FANK1: variants seen among roughly 807,000 people sequenced by gnomAD.
The protein encoded by FANK1 is fibronectin type III and ankyrin repeat domains 1, also known as fibronectin type 3 and ankyrin repeat domains protein 1.
In FANK1, 44 loss-of-function variants were observed where a neutral mutation model predicts 45.3. That is an observed-to-expected ratio of 0.97 (90% CI 0.76 to 1.25). FANK1 has a LOEUF of 1.25. Ranked by LOEUF, FANK1 falls within the 50% of genes most tolerant of loss-of-function variation. The pLI is 0.00. For synonymous variants in FANK1, 149 were observed against 152.5 expected (o/e 0.98, Z 0.17); for missense variants, 391 against 424.4 (o/e 0.92, Z 0.69).
rs77771758 is a variant in FANK1 at position 125,901,374 on chromosome 10, T to C, written c.13+4719T>C. On this transcript the variant is annotated intron_variant, in intron 1 of 10. Coordinates refer to ENST00000368693, the MANE Select transcript of FANK1 (RefSeq NM_145235.5). ...TCTTCCTCCGTACTCCAAGCTACCA[T>C]GCCGTGTAAGTTATGATTGTGATTT... Among the ~76,000 whole-genome samples, 46 of 152,350 alleles carry C rather than the reference T, an allele frequency of 3.0e-4. No homozygotes were observed. In the East Asian group the frequency reaches 6.5e-3, roughly 22 times the overall value.
At chr10:125,968,699 T>A (rs1286008468) in intron 1 of FANK1, among the ~76,000 whole-genome samples, 2 of 152,208 alleles carry the variant, frequency 1.3e-5, no homozygotes, top group African/African-American at 4.8e-5. Flanking sequence ...CTAATTTGTT[T>A]TTTGAGTCTC....
chr10:125,917,096 C>G (rs1246296760), intron 1 of FANK1, among the ~76,000 whole-genome samples: 3 of 152,242 alleles, frequency 2.0e-5, no homozygotes, highest in Non-Finnish European at 4.4e-5. Context: ...AGCTCCTGCA[C>G]TAGCCCTCAA....
intron 1 of FANK1, among the ~76,000 whole-genome samples, chr10:125,916,675 C>CATGTGAAAGGCAATTCACATCATGA (rs1946474429): frequency 6.6e-6 from 1 of 152,138 alleles, no homozygotes; most frequent in South Asian, 2.1e-4. Context: ...ACATGCTACA[C>CATGTGAAAGGCAATTCACATCATGA]CATGGATGAA....
intron 1 of FANK1, among the ~76,000 whole-genome samples, chr10:125,917,672 C>T (rs1269444623): frequency 6.6e-6 from 1 of 152,298 alleles, no homozygotes; most frequent in African/African-American, 2.4e-5. Context: ...GTTAATCTGT[C>T]TTTTGGTACA....
intron 6 of FANK1, among the ~76,000 whole-genome samples, chr10:125,999,033 T>A (rs1952553408): frequency 6.6e-6 from 1 of 152,154 alleles, no homozygotes. Flanking sequence ...GTGTAGGTAT[T>A]TATAAATCTC....
chr10:125,939,503 A>G (rs943832649), intron 1 of FANK1, among the ~76,000 whole-genome samples: 1 of 152,264 alleles, frequency 6.6e-6, no homozygotes, highest in Admixed American at 6.5e-5. Flanking sequence ...AAATGTGGCA[A>G]CATTTTAAGA....
intron 1 of FANK1, among the ~76,000 whole-genome samples, chr10:125,968,648 T>G (rs1044699382): frequency 1.3e-5 from 2 of 152,260 alleles, no homozygotes; most frequent in Non-Finnish European, 2.9e-5. Flanking sequence ...GGTCAACTAT[T>G]TATCATAAAG....
At chr10:125,967,498 A>G (rs7907300) in intron 1 of FANK1, among the ~76,000 whole-genome samples, 51,361 of 152,152 alleles carry the variant, frequency 0.34, 9,086 homozygotes, top group East Asian at 0.44. Context: ...ATGGACTCCT[A>G]GGTAAAATAG....
At chr10:125,900,460 A>G (rs1944937068) in intron 1 of FANK1, among the ~76,000 whole-genome samples, 1 of 151,996 alleles carries the variant, frequency 6.6e-6, no homozygotes, top group Non-Finnish European at 1.5e-5. Flanking sequence ...CTTTAGCCCA[A>G]ATCTAAGCAA....
intron 6 of FANK1, 135 bp from the exon 7 acceptor site, chr10:126,004,749 C>T (rs1372706670): frequency 1.4e-5 from 11 of 791,618 alleles, no homozygotes; most frequent in East Asian, 7.4e-5. Flanking sequence ...GATACGTGTA[C>T]GTTTTATATG....
chr10:125,955,611 G>C (rs1264566253), intron 1 of FANK1, among the ~76,000 whole-genome samples: 2 of 152,078 alleles, frequency 1.3e-5, no homozygotes, highest in Admixed American at 6.6e-5. Flanking sequence ...CTCCCAAGTA[G>C]CTGGGACTAC....
intron 2 of FANK1, among the ~76,000 whole-genome samples, chr10:125,987,896 T>G (rs536347549): frequency 6.6e-6 from 1 of 152,350 alleles, no homozygotes; most frequent in South Asian, 2.1e-4. Context: ...GACTCAGTAC[T>G]ACTTCCCTCT....
rs1244361732 is a variant in FANK1, at chr10:126,003,191, C to G, written c.540-1693C>G. On this transcript the variant is annotated intron_variant, in intron 6 of 10. Coordinates refer to ENST00000368693, the MANE Select transcript of FANK1 (RefSeq NM_145235.5). ...TAGAATGTCCTATGTTCTGGATTTG[C>G]TTGTCTCCCGGTTGTGGGGCAGGCA... Among the ~76,000 whole-genome samples the G allele has an allele frequency of 2.0e-5, 3 of 150,770 alleles. No homozygotes were observed. The East Asian group carries it at 5.8e-4, about 29-fold the overall frequency.
chr10:125,943,653 CTTCT>C (rs1208849711), intron 1 of FANK1, among the ~76,000 whole-genome samples: 10 of 152,122 alleles, frequency 6.6e-5, no homozygotes, highest in Non-Finnish European at 1.5e-4. Context: ...TCAGGTGTTC[CTTCT>C]GAGTCAGAAA....
At chr10:125,994,415 T>A (rs1952163029) in intron 3 of FANK1, 1 of 985,232 alleles carries the variant, frequency 1.0e-6, no homozygotes, top group Admixed American at 6.2e-5. Flanking sequence ...TGAGGTTTTT[T>A]TAGACCAGGG....
At chr10:125,942,015 T>A (rs549582201) in intron 1 of FANK1, among the ~76,000 whole-genome samples, 2 of 152,314 alleles carry the variant, frequency 1.3e-5, no homozygotes, top group East Asian at 3.9e-4. Flanking sequence ...TGGGGGCTGG[T>A]TCCCAGCATG....
At chr10:125,952,719 CTTG>C (rs1431246340) in intron 1 of FANK1, among the ~76,000 whole-genome samples, 4 of 151,178 alleles carry the variant, frequency 2.6e-5, no homozygotes, top group African/African-American at 7.3e-5. Flanking sequence ...GGAATGGTAC[CTTG>C]TTGTTGTTCT....
chr10:125,931,736 G>C (rs1184063266), intron 1 of FANK1, among the ~76,000 whole-genome samples: 1 of 152,108 alleles, frequency 6.6e-6, no homozygotes, highest in East Asian at 1.9e-4. Flanking sequence ...ATTTATCTTT[G>C]TTTTTATTGC....
Position 126,009,483 on chromosome 10 carries a change from C to T in FANK1, c.*45C>T. On this transcript the variant is annotated 3_prime_UTR_variant, in exon 11 of 11. Coordinates refer to ENST00000368693, the MANE Select transcript of FANK1 (RefSeq NM_145235.5). ...CGAAACGCACGTAAAACAAAGTGAACCGTGACTGTTAAACTAGGGATGGGA... is the reference window on the plus strand; with the variant it reads ...CGAAACGCACGTAAAACAAAGTGAATCGTGACTGTTAAACTAGGGATGGGA... 1.9e-6 allele frequency: 3 copies of T among 1,595,534 alleles called. No individual in the cohort carries two copies. The highest frequency in any genetic ancestry group is 2.6e-6 in the Non-Finnish European group (3 of 1,167,430).
Sources: gnomAD v4.1 joint callset for allele counts (sites outside exome capture counted in the v4.1 genomes callset) on GRCh38, gnomAD v4.1.1 for gene constraint, MANE v1.5 for transcripts, NCBI Gene and HGNC (gene_info 2026-07-23, HGNC 2026-07-21) for gene names.